GPBAR1: variants seen among roughly 807,000 people sequenced by gnomAD.
GPBAR1 encodes the protein G protein-coupled bile acid receptor 1, also known as G-protein coupled bile acid receptor 1.
In GPBAR1, 13 loss-of-function variants were observed where a neutral mutation model predicts 13.0. The ratio of observed to expected loss-of-function variants is 1.00; its 90% CI spans 0.65 to 1.59. The LOEUF is 1.59. Among genes scored for constraint, GPBAR1 ranks in the 40% most tolerant of loss-of-function variants. The pLI, the probability that GPBAR1 is intolerant of heterozygous loss-of-function variation, is 0.00. For synonymous variants in GPBAR1, 193 were observed against 205.2 expected (o/e 0.94, Z 0.51); for missense variants, 398 against 436.4 (o/e 0.91, Z 0.78).
Position 218,262,049 on chromosome 2 carries a change from CT to C in GPBAR1, c.-45-630del, listed in dbSNP as rs1017790015. On this transcript the variant is annotated intron_variant, in intron 1 of 1. Coordinates refer to ENST00000519574, the MANE Select transcript of GPBAR1 (RefSeq NM_170699.3). The surrounding 1 kb of genome is among the most constrained non-coding windows in gnomAD (Gnocchi z 5.1). Reference sequence around the variant, plus strand: ...CACGTGCCCTCCAGCTGCTTCTCTCCTCCCTCCAGCTCCCAGGAAGGACCCT... The same window carrying C: ...CACGTGCCCTCCAGCTGCTTCTCTCCCCCTCCAGCTCCCAGGAAGGACCCT... 2 of 153,022 alleles carry C rather than the reference CT, an allele frequency of 1.3e-5. No individual in the cohort carries two copies. Among genetic ancestry groups the C allele is most frequent in the African/African-American group, 4.8e-5 (2 of 41,466 alleles). The allele number at this position is 153,022 out of a possible 1,614,324, so 9.5% of individuals were successfully genotyped here.
At chr2:218,260,029 G>A (rs760107159), upstream of GPBAR1, 9 of 152,192 alleles carry the variant, frequency 5.9e-5, no homozygotes, top group East Asian at 1.9e-4. Context: ...CTCCCCATGC[G>A]CCCCTCTCAG....
chr2:218,262,986 G>C lies in GPBAR1; in HGVS notation c.262G>C (p.Val88Leu). The change falls in exon 2 of 2, where the codon GTC becomes CTC. Residue 88 changes from valine (V) to leucine (L), a missense_variant. Coordinates refer to ENST00000519574, the MANE Select transcript of GPBAR1 (RefSeq NM_170699.3). The surrounding 1 kb of genome is among the most constrained non-coding windows in gnomAD (Gnocchi z 5.1). ...CCGGGGTTACTGGTCCTGCCTCCTC[G>C]TCTACTTGGCTCCCAACTTCTCCTT... ...SRRGYWSCLL[V>L]YLAPNFSFLS... 1 of 1,613,862 alleles carries C rather than the reference G, an allele frequency of 6.2e-7. No individual in the cohort carries two copies. Among genetic ancestry groups the C allele is most frequent in the Non-Finnish European group, 8.5e-7 (1 of 1,179,856 alleles).
chr2:218,263,658 G>A lies in GPBAR1; in HGVS notation c.934G>A (p.Gly312Ser), dbSNP rs199838633. Reference protein sequence around the residue: ...LWGRASRDSPGPSIAYHPSSQ... With the variant: ...LWGRASRDSPSPSIAYHPSSQ... The stretch of plus-strand genomic sequence containing the variant: ...GGGAAGAGCCTCCCGGGACAGTCCC[G>A]GCCCCAGCATTGCCTACCACCCAAG... The change falls in exon 2 of 2, where the codon GGC becomes AGC. Residue 312 changes from glycine to serine, a missense_variant. Coordinates refer to ENST00000519574, the MANE Select transcript of GPBAR1 (RefSeq NM_170699.3). This position sits in a 1 kb window ranked among gnomAD's most constrained non-coding sequence, Gnocchi z 4.2. The A allele has an allele frequency of 3.9e-5, 63 of 1,612,836 alleles. No individual in the cohort carries two copies. Among genetic ancestry groups the A allele is most frequent in the African/African-American group, 2.8e-4 (21 of 75,036 alleles).
chr2:218,261,465 G>T (rs78291641), intron 1 of GPBAR1, among the ~76,000 whole-genome samples: 4,730 of 152,264 alleles, frequency 0.031, 78 homozygotes, highest in African/African-American at 0.034. Context: ...AGTCTCACGG[G>T]ACTTAAGAGA....
chr2:218,262,817 G>A lies in GPBAR1; in HGVS notation c.93G>A (p.Ala31=), dbSNP rs778821198. The change falls in exon 2 of 2, where the codon GCG becomes GCA. Residue 31 remains alanine, a synonymous_variant. Transcript: ENST00000519574. The surrounding 1 kb of genome is among the most constrained non-coding windows in gnomAD (Gnocchi z 5.1). Reference sequence around the variant, plus strand: ...CCCTGGCAAGCCTCATCATCACCGCGAACCTGCTCCTAGCCCTGGGCATCG... The same window carrying A: ...CCCTGGCAAGCCTCATCATCACCGCAAACCTGCTCCTAGCCCTGGGCATCG... ...SLALASLIIT[A]NLLLALGIAW... 25 of 1,613,322 alleles carry A rather than the reference G, an allele frequency of 1.5e-5. No homozygotes were observed. Among genetic ancestry groups the A allele is most frequent in the African/African-American group, 9.3e-5 (7 of 74,908 alleles).
rs141336434 is a variant in GPBAR1 at position 218,263,256 on chromosome 2, G to A, written c.532G>A (p.Val178Met). Residue 178 changes from valine to methionine, a missense_variant, in exon 2 of 2, where the codon GTG (valine) becomes ATG (methionine). Physicochemically the swap from Val to Met is conservative, Grantham distance 21. Coordinates refer to ENST00000519574, the MANE Select transcript of GPBAR1 (RefSeq NM_170699.3). This position sits in a 1 kb window ranked among gnomAD's most constrained non-coding sequence, Gnocchi z 4.2. Reference protein sequence around the residue: ...LEVYGLLLPAVGAAAFLSVRV... With the variant: ...LEVYGLLLPAMGAAAFLSVRV... ...AGTCTATGGGCTCCTGCTGCCCGCC[G>A]TGGGTGCTGCTGCCTTCCTCTCTGT... 2.9e-5 allele frequency: 47 copies of A among 1,607,722 alleles called. No homozygotes were observed. The highest frequency in any genetic ancestry group is 1.8e-4 in the East Asian group (8 of 44,854).
At position 218,262,531 on chromosome 2, in the gene GPBAR1, T is replaced by C. The variant is rs1300091030; in HGVS notation, c.-45-149T>C. 1.2e-5 allele frequency: 7 copies of C among 593,720 alleles called. No individual in the cohort carries two copies. The highest frequency in any genetic ancestry group is 1.2e-5 in the Non-Finnish European group (4 of 341,924). The allele number at this position is 593,720 out of a possible 1,614,324, so 36.8% of individuals were successfully genotyped here. On this transcript the variant is annotated intron_variant, in intron 1 of 1. Transcript: ENST00000519574. This position sits in a 1 kb window ranked among gnomAD's most constrained non-coding sequence, Gnocchi z 5.1. ...CAAAGATAGTTTTTTATATAAATGT[T>C]TAATTGGCAATTAATTGAAAAATTC...
upstream of GPBAR1, chr2:218,260,315 C>T (rs1242690598): frequency 6.6e-6 from 1 of 152,240 alleles, no homozygotes; most frequent in Non-Finnish European, 1.5e-5. Flanking sequence ...CAGCTCATGC[C>T]TCTTCATCAT....
rs200257647 is a variant in GPBAR1 at position 218,263,097 on chromosome 2, C to T, written c.373C>T (p.Arg125Trp). The change falls in exon 2 of 2, where the codon CGG becomes TGG. Residue 125 changes from arginine to tryptophan, a missense_variant. Transcript: ENST00000519574. This position sits in a 1 kb window ranked among gnomAD's most constrained non-coding sequence, Gnocchi z 4.2. Reference protein sequence around the residue: ...LRPLQPPGSIRLALLLTWAGP... With the variant: ...LRPLQPPGSIWLALLLTWAGP... ...GCCACTCCAGCCCCCTGGGAGCATTCGGCTGGCCCTGCTCCTCACCTGGGC... is the reference window on the plus strand; with the variant it reads ...GCCACTCCAGCCCCCTGGGAGCATTTGGCTGGCCCTGCTCCTCACCTGGGC... 31 of 1,613,024 alleles carry T rather than the reference C, an allele frequency of 1.9e-5. No homozygotes were observed. The highest frequency in any genetic ancestry group is 3.3e-5 in the South Asian group (3 of 91,076).
Position 218,263,657 on chromosome 2 carries a change from C to G in GPBAR1, c.933C>G (p.Pro311=), listed in dbSNP as rs1419511835. ...GGGGAAGAGCCTCCCGGGACAGTCC[C>G]GGCCCCAGCATTGCCTACCACCCAA... The part of the protein sequence containing the change: ...GLWGRASRDS[P]GPSIAYHPSS... The change falls in exon 2 of 2, where the codon CCC becomes CCG. Residue 311 remains proline, a synonymous_variant. Coordinates refer to ENST00000519574, the MANE Select transcript of GPBAR1 (RefSeq NM_170699.3). This position sits in a 1 kb window ranked among gnomAD's most constrained non-coding sequence, Gnocchi z 4.2. The G allele has an allele frequency of 1.2e-6, 2 of 1,612,868 alleles. No individual in the cohort carries two copies. Among genetic ancestry groups the G allele is most frequent in the South Asian group, 1.1e-5 (1 of 91,086 alleles).
At chr2:218,260,567 A>C (rs1690386121), upstream of GPBAR1, among the ~76,000 whole-genome samples, 1 of 152,190 alleles carries the variant, frequency 6.6e-6, no homozygotes, top group Non-Finnish European at 1.5e-5. Context: ...CTCAGAAAGC[A>C]GTTGAGAAAA....
chr2:218,260,265 C>CT (rs960324399), upstream of GPBAR1: 3 of 152,134 alleles, frequency 2.0e-5, no homozygotes, highest in African/African-American at 7.2e-5. Context: ...AGTTCACTGG[C>CT]TTTTTTAAAA....
rs768424371 is a variant in GPBAR1 at position 218,263,297 on chromosome 2, T to TGCCCACC, written c.577_583dup (p.Gln195ProfsTer18). ...TCCTCTCTGTCCGCGTGCTGGCCAC[T>TGCCCACC]GCCCACCGCCAGCTGCAGGACATCT... On this transcript the variant is annotated frameshift_variant, in exon 2 of 2. Coordinates refer to ENST00000519574, the MANE Select transcript of GPBAR1 (RefSeq NM_170699.3). LOFTEE classifies it high-confidence loss of function. This position sits in a 1 kb window ranked among gnomAD's most constrained non-coding sequence, Gnocchi z 4.2. 7.5e-6 allele frequency: 12 copies of TGCCCACC among 1,606,334 alleles called. No homozygotes were observed. In the South Asian group the frequency reaches 1.3e-4, roughly 18 times the overall value.
Position 218,262,950 on chromosome 2 carries a change from A to T in GPBAR1, c.226A>T (p.Asn76Tyr). 6.2e-7 allele frequency: 1 copy of T among 1,613,854 alleles called. No homozygotes were observed. The highest frequency in any genetic ancestry group is 8.5e-7 in the Non-Finnish European group (1 of 1,179,850). The change falls in exon 2 of 2, where the codon AAC becomes TAC. Residue 76 changes from asparagine (N) to tyrosine (Y), a missense_variant. Physicochemically the swap from Asn to Tyr is moderately radical, Grantham distance 143. Transcript: ENST00000519574. This position sits in a 1 kb window ranked among gnomAD's most constrained non-coding sequence, Gnocchi z 5.1. ...LALPTLPGLW[N>Y]QSRRGYWSCL... ...ATTGCCCACATTGCCAGGGCTGTGGAACCAGAGTCGCCGGGGTTACTGGTC... is the reference window on the plus strand; with the variant it reads ...ATTGCCCACATTGCCAGGGCTGTGGTACCAGAGTCGCCGGGGTTACTGGTC...
Position 218,262,537 on chromosome 2 carries a change from G to T in GPBAR1, c.-45-143G>T. The T allele has an allele frequency of 1.7e-6, 1 of 594,172 alleles. No individual in the cohort carries two copies. The highest frequency in any genetic ancestry group is 2.4e-5 in the South Asian group (1 of 41,484). 36.8% of individuals were successfully genotyped at this position (594,172 alleles called of 1,614,324 possible). A position where few individuals can be genotyped will look rare whatever the true frequency, so the allele number is the denominator to read the frequency against. ...TAGTTTTTTATATAAATGTTTAATT[G>T]GCAATTAATTGAAAAATTCTGTGTA... On this transcript the variant is annotated intron_variant, in intron 1 of 1. Transcript: ENST00000519574. The surrounding 1 kb of genome is among the most constrained non-coding windows in gnomAD (Gnocchi z 5.1).
chr2:218,261,390 G>T (rs145295708), intron 1 of GPBAR1, among the ~76,000 whole-genome samples, 174 bp downstream of exon 1: 2 of 152,184 alleles, frequency 1.3e-5, no homozygotes, highest in African/African-American at 4.8e-5. Flanking sequence ...AGGTGGGTTG[G>T]GGGGAATCAT....
chr2:218,263,284 G>GCGTGCTGGCCACTGCCCA lies in GPBAR1; in HGVS notation c.562_579dup (p.Val188_His193dup), dbSNP rs746847316. On this transcript the variant is annotated inframe_insertion, in exon 2 of 2. Transcript: ENST00000519574. This position sits in a 1 kb window ranked among gnomAD's most constrained non-coding sequence, Gnocchi z 4.2. ...GGTGCTGCTGCCTTCCTCTCTGTCC[G>GCGTGCTGGCCACTGCCCA]CGTGCTGGCCACTGCCCACCGCCAG... 1.2e-6 allele frequency: 2 copies of GCGTGCTGGCCACTGCCCA among 1,607,042 alleles called. No homozygotes were observed. Among genetic ancestry groups the GCGTGCTGGCCACTGCCCA allele is most frequent in the South Asian group, 1.1e-5 (1 of 91,032 alleles).
At chr2:218,260,245 C>A (rs1419364068), upstream of GPBAR1, 2 of 152,208 alleles carry the variant, frequency 1.3e-5, no homozygotes, top group Non-Finnish European at 1.5e-5. Flanking sequence ...GAACTTTAGT[C>A]ATTTGCCCAA....
In GPBAR1 at chr2:218,263,696, T is replaced by G. The variant is rs1350264550; in HGVS notation, c.972T>G (p.Ser324Arg). ...CCTACCACCCAAGCAGCCAAAGCAG[T>G]GTCGACCTGGACTTGAACTAAAGGA... ...SIAYHPSSQS[S>R]VDLDLN Residue 324 changes from serine (S) to arginine (R), a missense_variant, in exon 2 of 2, where the codon AGT becomes AGG. Physicochemically the swap from Ser to Arg is moderately radical, Grantham distance 110. Coordinates refer to ENST00000519574, the MANE Select transcript of GPBAR1 (RefSeq NM_170699.3). This position sits in a 1 kb window ranked among gnomAD's most constrained non-coding sequence, Gnocchi z 4.2. 1.2e-6 allele frequency: 2 copies of G among 1,612,786 alleles called. No individual in the cohort carries two copies. The highest frequency in any genetic ancestry group is 1.3e-5 in the African/African-American group (1 of 74,908).
Sources: allele counts gnomAD v4.1 joint callset (sites outside exome capture counted in the v4.1 genomes callset), GRCh38; gene constraint gnomAD v4.1.1; non-coding constraint Gnocchi (gnomAD v3.1); transcripts MANE v1.5; gene names NCBI Gene and HGNC (gene_info 2026-07-23, HGNC 2026-07-21).